Variants in APPBP2 observed in about 807,000 individuals in gnomAD.
APPBP2 encodes amyloid beta precursor protein binding protein 2.
Under a neutral mutation model 76.0 loss-of-function variants are expected in APPBP2, and 15 were observed. That is an observed-to-expected ratio of 0.20 (90% CI 0.13 to 0.30). The LOEUF (loss-of-function observed/expected upper bound fraction) is 0.30, where lower values mean the gene tolerates loss of function less well. APPBP2 is among the 10% of genes least tolerant of loss of function. The probability of loss-of-function intolerance (pLI) is 1.00; values close to 1 mark genes in which losing one functional copy is unlikely to be tolerated. For synonymous variants in APPBP2, 222 were observed against 242.2 expected, an observed-to-expected ratio of 0.92 and a Z score of 0.77; for missense variants, 401 against 687.2, an observed-to-expected ratio of 0.58 and a Z score of 4.66.
At chr17:60,458,241 C>G (rs185774939) in intron 9 of APPBP2, among the ~76,000 whole-genome samples, 1 of 152,258 alleles carries the variant, frequency 6.6e-6, no homozygotes, top group South Asian at 2.1e-4. Flanking sequence ...CGAGACCAGT[C>G]TGGCCAACAT....
chr17:60,461,912 A>T lies in APPBP2; in HGVS notation c.834T>A (p.Asp278Glu), dbSNP rs1221505696. 1.2e-6 allele frequency: 2 copies of T among 1,612,262 alleles called. No individual in the cohort carries two copies. Among genetic ancestry groups the T allele is most frequent in the Non-Finnish European group, 8.5e-7 (1 of 1,178,640 alleles). ...LIKHAVYLARDHFGSKHPKYS... is the reference protein window; with the variant it reads ...LIKHAVYLAREHFGSKHPKYS... ...ATTTTGGGTGTTTGGATCCAAAATG[A>T]TCCCTATAAAAAGACACAAAATTAT... The change falls in exon 8 of 13, where the codon GAT (aspartate) becomes GAA (glutamate). Residue 278 changes from aspartate (D) to glutamate (E), a missense_variant. By Grantham distance (45) the Asp-to-Glu change is conservative (BLOSUM62 2). Transcript: ENST00000083182.
intron 1 of APPBP2, among the ~76,000 whole-genome samples, chr17:60,520,339 G>A (rs911062625): frequency 1.7e-4 from 26 of 152,082 alleles, no homozygotes; most frequent in African/African-American, 2.7e-4. Flanking sequence ...TCGGGAGGCC[G>A]AGGCAGGCAG....
intron 1 of APPBP2, among the ~76,000 whole-genome samples, chr17:60,505,339 G>A (rs1472476397): frequency 1.3e-5 from 2 of 152,178 alleles, no homozygotes; most frequent in Non-Finnish European, 1.5e-5. Context: ...TTTTTGAGAC[G>A]GAGTCTCGCT....
chr17:60,460,527 G>T, intron 9 of APPBP2, 136 bp downstream of exon 9: 1 of 894,446 alleles, frequency 1.1e-6, no homozygotes, highest in Non-Finnish European at 1.6e-6. Flanking sequence ...TTCTGATAAA[G>T]CTCCAGGAAG....
chr17:60,472,809 T>C (rs1007928275), intron 4 of APPBP2, among the ~76,000 whole-genome samples: 4 of 152,218 alleles, frequency 2.6e-5, no homozygotes, highest in South Asian at 4.1e-4. Flanking sequence ...GTACTGATTA[T>C]CTTTTTATCA....
intron 4 of APPBP2, among the ~76,000 whole-genome samples, chr17:60,478,723 A>G (rs1225134942): frequency 6.6e-6 from 1 of 152,128 alleles, no homozygotes; most frequent in Non-Finnish European, 1.5e-5. Context: ...GGAGTTCGAG[A>G]CCAGCCTGAC....
chr17:60,455,885 C>A (rs1197992343), intron 10 of APPBP2, among the ~76,000 whole-genome samples: 3 of 152,138 alleles, frequency 2.0e-5, no homozygotes, highest in African/African-American at 7.2e-5. Flanking sequence ...TCAAACGATT[C>A]TCCTGCCTCA....
chr17:60,467,271 G>A (rs970912613), intron 4 of APPBP2, among the ~76,000 whole-genome samples: 13 of 152,082 alleles, frequency 8.5e-5, no homozygotes. Context: ...CTATTTAAAA[G>A]AAAAACAAGG....
intron 12 of APPBP2, 46 bp downstream of exon 12, chr17:60,451,834 G>A: frequency 6.6e-7 from 1 of 1,509,864 alleles, no homozygotes; most frequent in Non-Finnish European, 9.0e-7. Context: ...ATGCTGACAT[G>A]TTGATTTGTA....
intron 5 of APPBP2, chr17:60,465,052 A>C (rs968850168): frequency 1.3e-5 from 2 of 151,958 alleles, no homozygotes; most frequent in African/African-American, 4.8e-5. Flanking sequence ...CAAACAAACA[A>C]AGACAAGTGT....
chr17:60,461,618 A>G (rs2090476407), intron 8 of APPBP2, 192 bp downstream of exon 8: 5 of 468,276 alleles, frequency 1.1e-5, no homozygotes, highest in Non-Finnish European at 1.5e-5. Flanking sequence ...TTCCTGAATG[A>G]TTTTCTTTAA....
chr17:60,447,470 G>T lies in APPBP2; in HGVS notation c.*111C>A. 3.1e-6 allele frequency: 4 copies of T among 1,270,260 alleles called. No homozygotes were observed. Among genetic ancestry groups the T allele is most frequent in the South Asian group, 1.4e-5 (1 of 69,248 alleles). 78.7% of individuals were successfully genotyped at this position (1,270,260 alleles called of 1,614,324 possible). ...CCCAAAATAGGGTCTTCAATGGACT[G>T]GACCAGTGTTTCAATGCAAATTCCA... is the stretch of plus-strand genomic sequence containing the variant. On this transcript the variant is annotated 3_prime_UTR_variant, in exon 13 of 13. Coordinates refer to ENST00000083182, the MANE Select transcript of APPBP2 (RefSeq NM_006380.5).
intron 1 of APPBP2, among the ~76,000 whole-genome samples, chr17:60,523,468 C>A (rs2091026508): frequency 6.6e-6 from 1 of 152,052 alleles, no homozygotes; most frequent in Non-Finnish European, 1.5e-5. Context: ...GCACTCCAGC[C>A]TGGGCAACAG....
intron 1 of APPBP2, among the ~76,000 whole-genome samples, chr17:60,515,103 C>T (rs1211214899): frequency 6.7e-6 from 1 of 149,212 alleles, no homozygotes; most frequent in Non-Finnish European, 1.5e-5. Flanking sequence ...TGCGCCTGGC[C>T]TATTTTAAAT....
intron 4 of APPBP2, among the ~76,000 whole-genome samples, chr17:60,470,414 C>T (rs2090543613): frequency 6.6e-6 from 1 of 152,044 alleles, no homozygotes; most frequent in Admixed American, 6.6e-5. Context: ...CCAGTGCCAC[C>T]ACACCTGGCT....
At chr17:60,502,295 G>A (rs2143457879) in intron 1 of APPBP2, among the ~76,000 whole-genome samples, 1 of 152,312 alleles carries the variant, frequency 6.6e-6, no homozygotes, top group East Asian at 1.9e-4. Context: ...GGGAATGCAT[G>A]CTGTAAAATT....
At chr17:60,460,610 A>T in intron 9 of APPBP2, 53 bp downstream of exon 9, 3 of 1,565,536 alleles carry the variant, frequency 1.9e-6, no homozygotes, top group Non-Finnish European at 2.6e-6. Context: ...GAAAAAACAA[A>T]ATAAAACAAA....
chr17:60,463,829 G>A (rs2090492135), intron 6 of APPBP2, among the ~76,000 whole-genome samples, 192 bp downstream of exon 6: 1 of 152,042 alleles, frequency 6.6e-6, no homozygotes, highest in Non-Finnish European at 1.5e-5. Context: ...AAGAAAAATT[G>A]GCTAAAAATC....
intron 3 of APPBP2, among the ~76,000 whole-genome samples, chr17:60,481,614 T>C (rs1025824253): frequency 1.3e-5 from 2 of 152,114 alleles, no homozygotes; most frequent in African/African-American, 4.8e-5. Context: ...CATGACAAAG[T>C]CAAAACTTGT....
Sources: allele counts gnomAD v4.1 joint callset (sites outside exome capture counted in the v4.1 genomes callset), GRCh38; gene constraint gnomAD v4.1.1; transcripts MANE v1.5; gene names NCBI Gene and HGNC (gene_info 2026-07-23, HGNC 2026-07-21).